RANBP2: variants seen among roughly 807,000 people sequenced by gnomAD.
RANBP2 encodes the protein E3 SUMO-protein ligase RanBP2.
In RANBP2, 57 loss-of-function variants were observed where a neutral mutation model predicts 303.6. The ratio of observed to expected loss-of-function variants is 0.19; its 90% CI spans 0.15 to 0.23. The LOEUF is 0.23. Among genes scored for constraint, RANBP2 ranks in the 10% least tolerant of loss-of-function variants. The probability of loss-of-function intolerance (pLI) is 1.00; values close to 1 mark genes in which losing one functional copy is unlikely to be tolerated. For missense variants in RANBP2, 3,138 were observed against 3,780.8 expected (o/e 0.83, Z 4.46); for synonymous variants, 1,167 against 1,301.5 (o/e 0.90, Z 2.23).
intron 8 of RANBP2, 152 bp downstream of exon 8, chr2:108,746,950 A>T: frequency 7.5e-7 from 1 of 1,341,528 alleles, no homozygotes; most frequent in Non-Finnish European, 1.0e-6. Context: ...TATGGAAGAG[A>T]TGTGAAAAAT....
chr2:108,866,324 T>A, the RANBP2 span, among the ~76,000 whole-genome samples: 1 of 152,238 alleles, frequency 6.6e-6, no homozygotes, highest in Non-Finnish European at 1.5e-5. Context: ...TCAGTATCTC[T>A]AATTTAATCA....
At chr2:109,629,336 TATATATATATATATATATA>T in the RANBP2 span, among the ~76,000 whole-genome samples, 674 of 10,438 alleles carry the variant, frequency 0.065, 7 homozygotes, top group African/African-American at 0.11. Context: ...TATATATATA[TATATATATATATATATATA>T]TTTTTTTTTT....
the RANBP2 span, among the ~76,000 whole-genome samples, chr2:109,472,442 C>T: frequency 6.6e-6 from 1 of 152,128 alleles, no homozygotes; most frequent in African/African-American, 2.4e-5. Flanking sequence ...TGCGGGGCTT[C>T]CCGACGGGGC....
the RANBP2 span, among the ~76,000 whole-genome samples, chr2:109,384,434 C>G: frequency 6.6e-6 from 1 of 151,934 alleles, no homozygotes; most frequent in African/African-American, 2.4e-5. Context: ...GGGAGCAGGT[C>G]CAGGGGTGGC....
At chr2:109,285,029 C>T in the RANBP2 span, among the ~76,000 whole-genome samples, 2 of 152,214 alleles carry the variant, frequency 1.3e-5, no homozygotes, top group African/African-American at 2.4e-5. Context: ...TGCGCTGTGC[C>T]GCGGGGCCTC....
At chr2:109,400,107 A>G in the RANBP2 span, among the ~76,000 whole-genome samples, 2 of 152,358 alleles carry the variant, frequency 1.3e-5, no homozygotes, top group African/African-American at 4.8e-5. Flanking sequence ...CAATGAACTC[A>G]GACAACTTTA....
chr2:108,829,597 T>G, the RANBP2 span, among the ~76,000 whole-genome samples: 2 of 152,150 alleles, frequency 1.3e-5, no homozygotes, highest in Non-Finnish European at 2.9e-5. Context: ...AATATAAAAA[T>G]TAGCCCAGTG....
chr2:109,663,584 C>A, the RANBP2 span, among the ~76,000 whole-genome samples: 1 of 152,188 alleles, frequency 6.6e-6, no homozygotes, highest in Admixed American at 6.5e-5. Flanking sequence ...ATTTTAAATT[C>A]CCTTACTGAT....
At chr2:108,748,180 A>T (rs1468639178) in intron 8 of RANBP2, among the ~76,000 whole-genome samples, 5 of 149,594 alleles carry the variant, frequency 3.3e-5, no homozygotes, top group Admixed American at 6.7e-5. Context: ...GGAATAAAAA[A>T]CTCTGGGAAC....
the RANBP2 span, among the ~76,000 whole-genome samples, chr2:109,192,307 A>G: frequency 2.0e-5 from 3 of 152,206 alleles, no homozygotes; most frequent in Non-Finnish European, 2.9e-5. Flanking sequence ...AAGTGATCTG[A>G]GATGCTTGGA....
At chr2:108,739,629 TTTC>T in intron 6 of RANBP2, among the ~76,000 whole-genome samples, 1 of 152,180 alleles carries the variant, frequency 6.6e-6, no homozygotes, top group Non-Finnish European at 1.5e-5. Context: ...TGCTTTTACT[TTTC>T]TTCCAAAGTG....
the RANBP2 span, among the ~76,000 whole-genome samples, chr2:109,279,897 A>G: frequency 1.3e-5 from 2 of 151,130 alleles, no homozygotes; most frequent in African/African-American, 4.9e-5. Flanking sequence ...AGAGAGGACA[A>G]GGGATGAGAG....
the RANBP2 span, among the ~76,000 whole-genome samples, chr2:109,715,993 A>G: frequency 1.3e-5 from 2 of 152,182 alleles, no homozygotes; most frequent in South Asian, 2.1e-4. Context: ...ACAGGTCTCA[A>G]TTTAGAAGTT....
At chr2:109,517,632 G>A in the RANBP2 span, among the ~76,000 whole-genome samples, 2 of 152,188 alleles carry the variant, frequency 1.3e-5, no homozygotes, top group Non-Finnish European at 2.9e-5. Context: ...TGAGCTCCAC[G>A]CCTGCAGACC....
chr2:109,224,634 G>C, the RANBP2 span, among the ~76,000 whole-genome samples: 2 of 152,344 alleles, frequency 1.3e-5, no homozygotes, highest in Admixed American at 1.3e-4. Context: ...AAGGCGGGCA[G>C]ATCACTTGAG....
chr2:108,786,366 A>T (rs1678714555), downstream of RANBP2, among the ~76,000 whole-genome samples: 1 of 150,552 alleles, frequency 6.6e-6, no homozygotes, highest in African/African-American at 2.4e-5. Flanking sequence ...AGCAGCCGGG[A>T]CTACACGCGC....
chr2:109,167,178 TC>T, the RANBP2 span, among the ~76,000 whole-genome samples: 1 of 152,236 alleles, frequency 6.6e-6, no homozygotes, highest in Non-Finnish European at 1.5e-5. Context: ...TTCCATTTTT[TC>T]CAGAACCAGG....
chr2:109,022,385 G>A, the RANBP2 span, among the ~76,000 whole-genome samples: 1 of 152,254 alleles, frequency 6.6e-6, no homozygotes, highest in Non-Finnish European at 1.5e-5. Flanking sequence ...CAATTATGTG[G>A]ACAGCGTCGC....
the RANBP2 span, among the ~76,000 whole-genome samples, chr2:109,073,836 C>A: frequency 2.0e-5 from 3 of 150,632 alleles, no homozygotes; most frequent in Non-Finnish European, 4.4e-5. Context: ...GGTAAAATTG[C>A]AGAGTACTTC....
Sources: allele counts gnomAD v4.1 joint callset (sites outside exome capture counted in the v4.1 genomes callset), GRCh38; gene constraint gnomAD v4.1.1; transcripts MANE v1.5; gene names NCBI Gene and HGNC (gene_info 2026-07-23, HGNC 2026-07-21).